Variants in MAPK10 observed in about 807,000 individuals in gnomAD.
MAPK10 encodes JNK3 alpha protein kinase.
In MAPK10, 25 loss-of-function variants were observed where a neutral mutation model predicts 59.3. That is an observed-to-expected ratio of 0.42 (90% CI 0.31 to 0.59). The LOEUF (loss-of-function observed/expected upper bound fraction) is 0.59, where lower values mean the gene tolerates loss of function less well. Ranked by LOEUF, MAPK10 falls within the 20% of genes least tolerant of loss-of-function variation. MAPK10 has a pLI of 0.15. For missense variants in MAPK10, 351 were observed against 568.9 expected (o/e 0.62, Z 3.90); for synonymous variants, 190 against 200.5 (o/e 0.95, Z 0.44).
At chr4:86,533,536 C>T (rs995045859) in intron 1 of MAPK10, among the ~76,000 whole-genome samples, 1 of 152,134 alleles carries the variant, frequency 6.6e-6, no homozygotes, top group Non-Finnish European at 1.5e-5. Context: ...TTTTGAGATT[C>T]CTAACTAGTG....
At chr4:86,058,290 A>G (rs2045042951) in intron 11 of MAPK10, among the ~76,000 whole-genome samples, 1 of 149,618 alleles carries the variant, frequency 6.7e-6, no homozygotes. Flanking sequence ...TGAATAAGGA[A>G]AGAATGACCT....
intron 1 of MAPK10, among the ~76,000 whole-genome samples, chr4:86,569,144 G>A (rs139159550): frequency 5.3e-5 from 8 of 152,042 alleles, no homozygotes; most frequent in African/African-American, 1.9e-4. Flanking sequence ...CAGAGGACGT[G>A]AACAGACACT....
chr4:86,089,406 G>A, intron 9 of MAPK10: 1 of 627,698 alleles, frequency 1.6e-6, no homozygotes, highest in Non-Finnish European at 2.8e-6. Flanking sequence ...GAGGCCAGTG[G>A]CATGATCATT....
At chr4:86,154,780 T>C (rs1049566489) in intron 4 of MAPK10, among the ~76,000 whole-genome samples, 6 of 152,104 alleles carry the variant, frequency 3.9e-5, no homozygotes, top group Admixed American at 6.6e-5. Flanking sequence ...CATAAGTTTA[T>C]TTGTAACTAT....
chr4:86,423,971 A>G (rs1746920965), intron 1 of MAPK10, among the ~76,000 whole-genome samples: 1 of 151,978 alleles, frequency 6.6e-6, no homozygotes, highest in Non-Finnish European at 1.5e-5. Context: ...AAAACCAATT[A>G]GGAGATTATT....
At chr4:86,337,682 G>A (rs1445100961) in intron 2 of MAPK10, among the ~76,000 whole-genome samples, 1 of 152,144 alleles carries the variant, frequency 6.6e-6, no homozygotes, top group Non-Finnish European at 1.5e-5. Flanking sequence ...CAATTAATCT[G>A]CCATTGCCAT....
chr4:86,418,168 C>T (rs756183796), intron 1 of MAPK10, among the ~76,000 whole-genome samples: 7 of 152,158 alleles, frequency 4.6e-5, no homozygotes, highest in Non-Finnish European at 1.0e-4. Context: ...TAAAGGCACA[C>T]AGTAGTCAAT....
intron 1 of MAPK10, among the ~76,000 whole-genome samples, chr4:86,373,833 G>A (rs985474301): frequency 1.3e-5 from 2 of 152,146 alleles, no homozygotes; most frequent in Non-Finnish European, 2.9e-5. Flanking sequence ...CAACCATTGT[G>A]GAAGACAGTG....
intron 11 of MAPK10, chr4:86,031,800 G>T: frequency 5.5e-6 from 1 of 180,724 alleles, no homozygotes; most frequent in Non-Finnish European, 1.2e-5. Context: ...TCATTCACTT[G>T]CCTTATAACA....
chr4:86,383,107 A>C, intron 1 of MAPK10, among the ~76,000 whole-genome samples: 1 of 152,190 alleles, frequency 6.6e-6, no homozygotes, highest in Admixed American at 6.5e-5. Flanking sequence ...ATAAATGTTA[A>C]ATAAAATAAA....
At chr4:86,283,847 T>G (rs1384804907) in intron 2 of MAPK10, among the ~76,000 whole-genome samples, 2 of 152,202 alleles carry the variant, frequency 1.3e-5, no homozygotes, top group Admixed American at 1.3e-4. Flanking sequence ...ATAAAGAATA[T>G]TTCCTACACT....
intron 1 of MAPK10, among the ~76,000 whole-genome samples, chr4:86,572,162 C>T (rs1245178312): frequency 6.6e-6 from 1 of 152,054 alleles, no homozygotes; most frequent in Non-Finnish European, 1.5e-5. Flanking sequence ...AAAATTTACT[C>T]AATTTTTTAT....
intron 2 of MAPK10, among the ~76,000 whole-genome samples, chr4:86,221,983 C>T (rs1379843073): frequency 6.6e-6 from 1 of 152,138 alleles, no homozygotes. Context: ...CTCTCTCTTG[C>T]TCCTCCTTGA....
chr4:86,567,912 G>C (rs992439234), intron 1 of MAPK10, among the ~76,000 whole-genome samples: 6 of 152,082 alleles, frequency 3.9e-5, no homozygotes, highest in African/African-American at 1.4e-4. Flanking sequence ...GTAAACCTTC[G>C]CAATAAAAAT....
intron 3 of MAPK10, among the ~76,000 whole-genome samples, chr4:86,186,848 T>C (rs1398439511): frequency 6.6e-6 from 1 of 152,138 alleles, no homozygotes; most frequent in African/African-American, 2.4e-5. Flanking sequence ...GCCTTCTCCT[T>C]AAAGATAGGG....
At position 86,017,267 on chromosome 4, in the gene MAPK10, G is replaced by A. The variant is rs1743695561; in HGVS notation, c.1356C>T (p.Ser452=). 1.2e-6 allele frequency: 2 copies of A among 1,614,168 alleles called. No individual in the cohort carries two copies. Among genetic ancestry groups the A allele is most frequent in the South Asian group, 2.2e-5 (2 of 91,082 alleles). The change falls in exon 14 of 14, where the codon AGC becomes AGT. Residue 452 remains serine, a synonymous_variant. Transcript: ENST00000641462. This position sits in a 1 kb window ranked among gnomAD's most constrained non-coding sequence, Gnocchi z 4.4. The stretch of plus-strand genomic sequence containing the variant: ...CCAGGGGTCCTGCCGAGGCTTCCAG[G>A]CTGCTGTCAGTGTCAGATGCCAGGG... The part of the protein sequence containing the change: ...DQTLASDTDS[S]LEASAGPLGC...
chr4:86,255,833 G>C (rs975973461), intron 2 of MAPK10, among the ~76,000 whole-genome samples: 1 of 152,044 alleles, frequency 6.6e-6, no homozygotes, highest in Non-Finnish European at 1.5e-5. Flanking sequence ...TTAGATATCT[G>C]TTTGTCTTAA....
rs529881215 is a variant in MAPK10 at position 86,170,048 on chromosome 4, C to T, written c.67-10581G>A. ...CACCACCAGGCCTGCCCTAAAAGAG[C>T]TCCTGAAGGAAGCGCTAAACATGGA... On this transcript the variant is annotated intron_variant, in intron 3 of 13. Coordinates refer to ENST00000641462, the MANE Select transcript of MAPK10 (RefSeq NM_138982.4). Among the ~76,000 whole-genome samples, 10 of 152,168 alleles carry T rather than the reference C, an allele frequency of 6.6e-5. No homozygotes were observed. The South Asian group carries it at 2.1e-3, about 32-fold the overall frequency.
rs181289367 is a variant in MAPK10, at chr4:86,297,171, A to G, written c.-7+57359T>C. Among the ~76,000 whole-genome samples, 34 of 152,322 alleles carry G rather than the reference A, an allele frequency of 2.2e-4. No homozygotes were observed. In the East Asian group the frequency reaches 5.8e-3, roughly 26 times the overall value. On this transcript the variant is annotated intron_variant, in intron 2 of 13. Transcript: ENST00000641462. ...GATGTATTTTCAAGAAACTCACACC[A>G]TCTTTCATATTAATTGAATGTTGTT... is the stretch of plus-strand genomic sequence containing the variant.
Sources: gnomAD v4.1 joint callset for allele counts (sites outside exome capture counted in the v4.1 genomes callset) on GRCh38, gnomAD v4.1.1 for gene constraint, Gnocchi (gnomAD v3.1) non-coding constraint, MANE v1.5 for transcripts, NCBI Gene and HGNC (gene_info 2026-07-23, HGNC 2026-07-21) for gene names.